Variants in KCNK13 observed in about 807,000 individuals in gnomAD.
The protein encoded by KCNK13 is potassium channel subfamily K member 13.
A neutral mutation model predicts 23.4 loss-of-function variants in KCNK13; 12 were observed. The ratio of observed to expected loss-of-function variants is 0.51; its 90% CI spans 0.33 to 0.83. KCNK13 has a LOEUF of 0.83. KCNK13 is among the 40% of genes least tolerant of loss of function. KCNK13 has a pLI of 0.02. For synonymous variants in KCNK13, 231 were observed against 229.5 expected (o/e 1.01, Z -0.06); for missense variants, 463 against 556.3 (o/e 0.83, Z 1.69).
intron 1 of KCNK13, among the ~76,000 whole-genome samples, chr14:90,105,338 C>T (rs1889531625): frequency 6.6e-6 from 1 of 152,170 alleles, no homozygotes; most frequent in Non-Finnish European, 1.5e-5. Flanking sequence ...GAGATCTTCT[C>T]TCACCCCCTT....
chr14:90,066,748 G>T (rs183515779), intron 1 of KCNK13, among the ~76,000 whole-genome samples: 24 of 152,188 alleles, frequency 1.6e-4, no homozygotes, highest in African/African-American at 5.5e-4. Flanking sequence ...AAAACAGTTT[G>T]CCAGTTTCTC....
chr14:90,161,689 T>C (rs540060232), intron 1 of KCNK13, among the ~76,000 whole-genome samples: 1 of 152,294 alleles, frequency 6.6e-6, no homozygotes, highest in East Asian at 1.9e-4. Flanking sequence ...AGGATGTCAT[T>C]TCTCCACAAA....
At chr14:90,099,360 G>C (rs1262582837) in intron 1 of KCNK13, among the ~76,000 whole-genome samples, 1 of 152,090 alleles carries the variant, frequency 6.6e-6, no homozygotes. Flanking sequence ...CTTTATTCAA[G>C]ATACCCCTTG....
At chr14:90,181,489 C>T (rs375162531) in intron 1 of KCNK13, among the ~76,000 whole-genome samples, 38 of 152,274 alleles carry the variant, frequency 2.5e-4, no homozygotes, top group African/African-American at 7.9e-4. Flanking sequence ...ACTCACCTCT[C>T]GCAAAGACAC....
intron 1 of KCNK13, among the ~76,000 whole-genome samples, chr14:90,133,134 G>A (rs1416443192): frequency 6.6e-6 from 1 of 152,112 alleles, no homozygotes; most frequent in Non-Finnish European, 1.5e-5. Flanking sequence ...ACTTACTATG[G>A]GCCAGATGTT....
intron 1 of KCNK13, among the ~76,000 whole-genome samples, chr14:90,064,696 T>G (rs1225258409): frequency 6.6e-6 from 1 of 152,194 alleles, no homozygotes; most frequent in Non-Finnish European, 1.5e-5. Context: ...TGTCACAGGG[T>G]TCTTGTGAGG....
intron 1 of KCNK13, among the ~76,000 whole-genome samples, chr14:90,164,133 A>G (rs1197175466): frequency 6.6e-6 from 1 of 152,186 alleles, no homozygotes; most frequent in Non-Finnish European, 1.5e-5. Context: ...TCCTTTCCCC[A>G]TGACTAGCTA....
intron 1 of KCNK13, chr14:90,107,550 T>G (rs1323633533): frequency 2.0e-5 from 8 of 408,828 alleles, no homozygotes; most frequent in Non-Finnish European, 2.7e-5. Context: ...GAAATTTCAG[T>G]AAACATTACG....
At chr14:90,090,625 C>T (rs1433985163) in intron 1 of KCNK13, among the ~76,000 whole-genome samples, 1 of 152,068 alleles carries the variant, frequency 6.6e-6, no homozygotes, top group Non-Finnish European at 1.5e-5. Flanking sequence ...GGGGCCAGGG[C>T]AGAATGATAT....
chr14:90,107,704 C>G lies in KCNK13; in HGVS notation c.334+45165C>G, dbSNP rs1889563187. On this transcript the variant is annotated intron_variant, in intron 1 of 1. Transcript: ENST00000282146. ...CTCAAGAGTGTGGGAACTACAAAAT[C>G]CAGCCTGGGAAGGTGGTTGTGTTCA... 6 of 761,520 alleles carry G rather than the reference C, an allele frequency of 7.9e-6. No homozygotes were observed. In the East Asian group the frequency reaches 1.5e-4, roughly 20 times the overall value. 47.2% of individuals were successfully genotyped at this position (761,520 alleles called of 1,614,324 possible).
chr14:90,175,766 AG>A (rs1182541246), intron 1 of KCNK13, among the ~76,000 whole-genome samples: 1 of 152,176 alleles, frequency 6.6e-6, no homozygotes, highest in Non-Finnish European at 1.5e-5. Flanking sequence ...CTCAGCTGGC[AG>A]TTCTTTGGCT....
At chr14:90,166,999 T>A (rs1890311585) in intron 1 of KCNK13, among the ~76,000 whole-genome samples, 1 of 152,238 alleles carries the variant, frequency 6.6e-6, no homozygotes, top group Non-Finnish European at 1.5e-5. Flanking sequence ...GGGTCTGCAC[T>A]AGCACCCAGG....
At chr14:90,109,943 A>G (rs1337909288) in intron 1 of KCNK13, among the ~76,000 whole-genome samples, 2 of 150,500 alleles carry the variant, frequency 1.3e-5, no homozygotes, top group Non-Finnish European at 3.0e-5. Flanking sequence ...CCAAGACTCA[A>G]GTGATCCATC....
At chr14:90,095,508 T>C (rs1473753021) in intron 1 of KCNK13, among the ~76,000 whole-genome samples, 3 of 152,164 alleles carry the variant, frequency 2.0e-5, no homozygotes, top group Admixed American at 6.5e-5. Flanking sequence ...CTTATTTTTT[T>C]TTCAGATGTG....
intron 1 of KCNK13, among the ~76,000 whole-genome samples, chr14:90,117,902 C>A (rs1449657077): frequency 1.3e-5 from 2 of 152,208 alleles, no homozygotes; most frequent in Non-Finnish European, 2.9e-5. Flanking sequence ...CTATCCTAGA[C>A]AGTTCTCATT....
At position 90,062,437 on chromosome 14, in the gene KCNK13, T is replaced by A. The variant is rs1384369451; in HGVS notation, c.232T>A (p.Tyr78Asn). Residue 78 changes from tyrosine to asparagine, a missense_variant, in exon 1 of 2, where the codon TAC becomes AAC. This residue lies in a region of KCNK13 where 153 missense variants were observed against 153.6 expected (regional missense o/e 1.00). Coordinates refer to ENST00000282146, the MANE Select transcript of KCNK13 (RefSeq NM_022054.4). The surrounding 1 kb of genome is among the most constrained non-coding windows in gnomAD (Gnocchi z 4.5). ...CGAGCTGCGCGGCTTCCTCCGCCAC[T>A]ACGAGGAGGCCACTCGGGCCGGCAT... ...RDELRGFLRH[Y>N]EEATRAGIRV... The A allele has an allele frequency of 6.5e-7, 1 of 1,547,386 alleles. No individual in the cohort carries two copies.
chr14:90,111,050 C>G (rs2140412486), intron 1 of KCNK13, among the ~76,000 whole-genome samples: 1 of 151,942 alleles, frequency 6.6e-6, no homozygotes, highest in Admixed American at 6.6e-5. Context: ...GAGTCTCACT[C>G]TGAACCCCCT....
chr14:90,086,769 T>C (rs535472105), intron 1 of KCNK13, among the ~76,000 whole-genome samples: 1 of 152,268 alleles, frequency 6.6e-6, no homozygotes, highest in Admixed American at 6.5e-5. Context: ...ATTGAGTTCT[T>C]ACTATTGGCC....
chr14:90,135,693 G>A (rs993752790), intron 1 of KCNK13, among the ~76,000 whole-genome samples: 4 of 152,252 alleles, frequency 2.6e-5, no homozygotes, highest in Admixed American at 1.3e-4. Flanking sequence ...AGGGTCTTCG[G>A]CTTGCTTTCA....
Sources: gnomAD v4.1 joint callset for allele counts (sites outside exome capture counted in the v4.1 genomes callset) on GRCh38, gnomAD v4.1.1 for gene constraint, gnomAD v4.1.1 regional missense constraint, Gnocchi (gnomAD v3.1) non-coding constraint, MANE v1.5 for transcripts, NCBI Gene and HGNC (gene_info 2026-07-23, HGNC 2026-07-21) for gene names.